Variants in SLC25A21 observed in about 807,000 individuals in gnomAD.
SLC25A21 encodes the protein mitochondrial 2-oxodicarboxylate carrier.
Under a neutral mutation model 43.8 loss-of-function variants are expected in SLC25A21, and 47 were observed. That is an observed-to-expected ratio of 1.07 (90% CI 0.85 to 1.37). SLC25A21 has a LOEUF of 1.37. Among genes scored for constraint, SLC25A21 ranks in the 40% most tolerant of loss-of-function variants. The pLI is 0.00. For synonymous variants in SLC25A21, 131 were observed against 121.3 expected, an observed-to-expected ratio of 1.08 and a Z score of -0.52; for missense variants, 352 against 350.2, an observed-to-expected ratio of 1.00 and a Z score of -0.04.
intron 7 of SLC25A21, among the ~76,000 whole-genome samples, chr14:36,699,500 T>C (rs1026970482): frequency 2.0e-5 from 3 of 152,228 alleles, no homozygotes; most frequent in African/African-American, 7.2e-5. Context: ...GACAGGGACA[T>C]TTAAGTCTGC....
At chr14:36,967,673 T>C (rs17177996) in intron 1 of SLC25A21, among the ~76,000 whole-genome samples, 2,793 of 152,288 alleles carry the variant, frequency 0.018, 38 homozygotes, top group Non-Finnish European at 0.03. Flanking sequence ...TTCCTAAGGA[T>C]ATACAAATCA....
chr14:37,061,454 C>T (rs1475526098), intron 1 of SLC25A21, among the ~76,000 whole-genome samples: 1 of 152,194 alleles, frequency 6.6e-6, no homozygotes, highest in East Asian at 1.9e-4. Context: ...CTCCCTTATG[C>T]AACTGCTGAT....
Position 36,923,414 on chromosome 14 carries a change from A to G in SLC25A21, c.71-48410T>C, listed in dbSNP as rs140486413. Among the ~76,000 whole-genome samples, 715 of 152,332 alleles carry G rather than the reference A, an allele frequency of 4.7e-3. 5 individuals are homozygous for G. The highest frequency in any genetic ancestry group is 0.016 in the African/African-American group (647 of 41,586). On this transcript the variant is annotated intron_variant, in intron 1 of 9. Transcript: ENST00000331299. ...GAGCATTCATTGCCGGCACCTGTAC[A>G]CTATAAGAAATACTAAAAGAAGTCC... is the stretch of plus-strand genomic sequence containing the variant.
intron 2 of SLC25A21, among the ~76,000 whole-genome samples, chr14:36,859,822 T>A (rs1035506426): frequency 1.3e-5 from 2 of 152,202 alleles, no homozygotes; most frequent in Non-Finnish European, 2.9e-5. Flanking sequence ...TGGCTCATGA[T>A]AGTAAAACAG....
chr14:36,815,707 C>T (rs1015682068), intron 2 of SLC25A21, among the ~76,000 whole-genome samples: 1 of 152,034 alleles, frequency 6.6e-6, no homozygotes, highest in Admixed American at 6.5e-5. Context: ...TTTGTATTTG[C>T]TCTGGAGTTT....
intron 2 of SLC25A21, among the ~76,000 whole-genome samples, chr14:36,832,040 G>A (rs1227975070): frequency 6.6e-6 from 1 of 152,146 alleles, no homozygotes; most frequent in African/African-American, 2.4e-5. Flanking sequence ...TGATAAAAGT[G>A]AAATAGAATC....
chr14:37,088,737 G>C (rs1259652845), intron 1 of SLC25A21, among the ~76,000 whole-genome samples: 1 of 152,208 alleles, frequency 6.6e-6, no homozygotes, highest in Non-Finnish European at 1.5e-5. Context: ...AACGTGGCTA[G>C]CATAAGCCAT....
At chr14:37,031,111 G>A (rs1961201367) in intron 1 of SLC25A21, among the ~76,000 whole-genome samples, 1 of 152,092 alleles carries the variant, frequency 6.6e-6, no homozygotes, top group African/African-American at 2.4e-5. Flanking sequence ...GCCTTTCAAG[G>A]CAGCAAGCCC....
At chr14:36,836,405 G>A (rs1007516891) in intron 2 of SLC25A21, among the ~76,000 whole-genome samples, 5 of 152,216 alleles carry the variant, frequency 3.3e-5, no homozygotes, top group African/African-American at 9.6e-5. Flanking sequence ...CTTGTGATGC[G>A]TAAATAATGC....
chr14:37,099,587 TC>T (rs1386354316), intron 1 of SLC25A21, among the ~76,000 whole-genome samples: 1 of 151,948 alleles, frequency 6.6e-6, no homozygotes, highest in Non-Finnish European at 1.5e-5. Flanking sequence ...GCCAGGATGT[TC>T]CCCCCGCCAC....
At chr14:37,131,880 C>T (rs1180089112) in intron 1 of SLC25A21, among the ~76,000 whole-genome samples, 1 of 152,176 alleles carries the variant, frequency 6.6e-6, no homozygotes, top group Non-Finnish European at 1.5e-5. Flanking sequence ...TGCTATATTG[C>T]CCAGGCTGGT....
At chr14:36,755,531 G>A (rs1051583682) in intron 3 of SLC25A21, among the ~76,000 whole-genome samples, 2 of 151,978 alleles carry the variant, frequency 1.3e-5, no homozygotes, top group Non-Finnish European at 2.9e-5. Context: ...GTGCTATGGC[G>A]ACAAAGTTCA....
chr14:36,980,437 G>C (rs1345385639), intron 1 of SLC25A21, among the ~76,000 whole-genome samples: 1 of 152,154 alleles, frequency 6.6e-6, no homozygotes, highest in East Asian at 1.9e-4. Flanking sequence ...TGGAGGCTTT[G>C]TTCATTTCTT....
chr14:37,078,230 A>G (rs1276927866), intron 1 of SLC25A21, among the ~76,000 whole-genome samples: 1 of 152,182 alleles, frequency 6.6e-6, no homozygotes, highest in Non-Finnish European at 1.5e-5. Context: ...AGAAAAATAT[A>G]GAGAAAATGG....
chr14:36,759,453 C>T (rs965296872), intron 3 of SLC25A21, among the ~76,000 whole-genome samples: 7 of 152,170 alleles, frequency 4.6e-5, no homozygotes, highest in African/African-American at 1.7e-4. Context: ...TTCTTTTCTT[C>T]AAATTCCTGA....
At chr14:36,718,814 G>C (rs1326323965) in intron 6 of SLC25A21, among the ~76,000 whole-genome samples, 1 of 152,118 alleles carries the variant, frequency 6.6e-6, no homozygotes, top group Non-Finnish European at 1.5e-5. Context: ...CTATCTGTTT[G>C]TTGATCCTTA....
intron 1 of SLC25A21, among the ~76,000 whole-genome samples, chr14:37,059,964 G>A (rs1000142112): frequency 1.3e-5 from 2 of 152,056 alleles, no homozygotes; most frequent in Admixed American, 6.6e-5. Context: ...AAGAATAAAG[G>A]TCTTTTCTTA....
chr14:36,880,288 G>A (rs961501351), intron 1 of SLC25A21, among the ~76,000 whole-genome samples: 3 of 152,124 alleles, frequency 2.0e-5, no homozygotes, highest in African/African-American at 7.2e-5. Flanking sequence ...GGGCATAGAG[G>A]CCACACACAG....
intron 1 of SLC25A21, among the ~76,000 whole-genome samples, chr14:37,060,124 G>A (rs1265448935): frequency 6.6e-6 from 1 of 151,656 alleles, no homozygotes; most frequent in Non-Finnish European, 1.5e-5. Context: ...GTATTAGGAG[G>A]TAGGGCCTTG....
Sources: gnomAD v4.1 joint callset for allele counts (sites outside exome capture counted in the v4.1 genomes callset) on GRCh38, gnomAD v4.1.1 for gene constraint, MANE v1.5 for transcripts, NCBI Gene and HGNC (gene_info 2026-07-23, HGNC 2026-07-21) for gene names.